Variants in PKNOX2 observed in about 807,000 individuals in gnomAD.
PKNOX2 encodes the protein PBX/knotted 1 homeobox 2, also known as homeobox protein PKNOX2.
A neutral mutation model predicts 53.1 loss-of-function variants in PKNOX2; 14 were observed. The observed-to-expected ratio is 0.26, with a 90% CI of 0.17 to 0.41. PKNOX2 has a LOEUF of 0.41. Ranked by LOEUF, PKNOX2 falls within the 10% of genes least tolerant of loss-of-function variation. The pLI is 1.00. For missense variants in PKNOX2, 496 were observed against 602.8 expected, an observed-to-expected ratio of 0.82 and a Z score of 1.85; for synonymous variants, 257 against 242.8, an observed-to-expected ratio of 1.06 and a Z score of -0.54.
intron 1 of PKNOX2, among the ~76,000 whole-genome samples, chr11:125,185,007 A>T (rs1225212972): frequency 6.6e-6 from 1 of 152,228 alleles, no homozygotes; most frequent in Middle Eastern, 3.2e-3. Flanking sequence ...CTCACTGTTT[A>T]CCATTTTGTG....
intron 2 of PKNOX2, among the ~76,000 whole-genome samples, chr11:125,314,364 G>A (rs1052475002): frequency 1.3e-5 from 2 of 152,148 alleles, no homozygotes. Flanking sequence ...CAGATGGGTT[G>A]GGAGCCAGGG....
At chr11:125,242,297 T>G (rs1943216885) in intron 2 of PKNOX2, among the ~76,000 whole-genome samples, 1 of 152,130 alleles carries the variant, frequency 6.6e-6, no homozygotes, top group African/African-American at 2.4e-5. Context: ...CAGGAGCATC[T>G]CCCTGTAGGG....
At position 125,431,470 on chromosome 11, in the gene PKNOX2, G is replaced by GCCCCCC; in HGVS notation, c.*78_*79insCCCCCC. 3.5e-6 allele frequency: 1 copy of GCCCCCC among 282,772 alleles called. No individual in the cohort carries two copies. Among genetic ancestry groups the GCCCCCC allele is most frequent in the Non-Finnish European group, 7.1e-6 (1 of 140,432 alleles). The allele number at this position is 282,772 out of a possible 1,614,324, so 17.5% of individuals were successfully genotyped here. On this transcript the variant is annotated 3_prime_UTR_variant, in exon 13 of 13. Coordinates refer to ENST00000298282, the MANE Select transcript of PKNOX2 (RefSeq NM_001382323.2). The stretch of plus-strand genomic sequence containing the variant: ...AGGCCTTCAGGGTGGGGGGGAAGGG[G>GCCCCCC]ACATGGGCAGGAAGCACCGAGGGAG...
At position 125,429,027 on chromosome 11, in the gene PKNOX2, G is replaced by C; in HGVS notation, c.952G>C (p.Glu318Gln). 6.2e-7 allele frequency: 1 copy of C among 1,613,728 alleles called. No individual in the cohort carries two copies. Among genetic ancestry groups the C allele is most frequent in the Non-Finnish European group, 8.5e-7 (1 of 1,179,638 alleles). Reference sequence around the variant, plus strand: ...CTCGTTTCAGCACCCCTACCCCACGGAGGATGAGAAGAGGCAGATCGCAGC... The same window carrying C: ...CTCGTTTCAGCACCCCTACCCCACGCAGGATGAGAAGAGGCAGATCGCAGC... ...FQHLMHPYPTEDEKRQIAAQT... is the reference protein window; with the variant it reads ...FQHLMHPYPTQDEKRQIAAQT... Residue 318 changes from glutamate to glutamine, a missense_variant, in exon 11 of 13, where the codon GAG becomes CAG. This residue lies in a region of PKNOX2 where 36 missense variants were observed against 81.9 expected (regional missense o/e 0.44). Coordinates refer to ENST00000298282, the MANE Select transcript of PKNOX2 (RefSeq NM_001382323.2).
chr11:125,214,958 G>T (rs1380149343), intron 1 of PKNOX2, among the ~76,000 whole-genome samples: 1 of 152,100 alleles, frequency 6.6e-6, no homozygotes, highest in Admixed American at 6.5e-5. Flanking sequence ...GGCCTGCGGG[G>T]TCAGGGGCTG....
Position 125,272,191 on chromosome 11 carries a change from T to C in PKNOX2, c.-130+37076T>C, listed in dbSNP as rs113013646. ...TTGGTGATGACAGTCCTCCTGGCTG[T>C]GAAGGGTCGTGGGGGTGTGAGGAAA... On this transcript the variant is annotated intron_variant, in intron 2 of 12. Coordinates refer to ENST00000298282, the MANE Select transcript of PKNOX2 (RefSeq NM_001382323.2). 4.2e-4 allele frequency among the ~76,000 whole-genome samples: 64 copies of C among 152,364 alleles called. 1 individual carries two copies. Among genetic ancestry groups the C allele is most frequent in the African/African-American group, 1.4e-3 (57 of 41,588 alleles).
intron 1 of PKNOX2, among the ~76,000 whole-genome samples, chr11:125,212,628 G>T: frequency 6.6e-6 from 1 of 151,722 alleles, no homozygotes; most frequent in East Asian, 1.9e-4. Flanking sequence ...TGAACAGAGA[G>T]GGAAGAGAGG....
At chr11:125,342,072 C>T (rs938477779) in intron 3 of PKNOX2, among the ~76,000 whole-genome samples, 1 of 152,188 alleles carries the variant, frequency 6.6e-6, no homozygotes, top group South Asian at 2.1e-4. Context: ...GAAGGGCACA[C>T]GTTGGCTGGG....
chr11:125,267,101 C>T (rs1238877752), intron 2 of PKNOX2, among the ~76,000 whole-genome samples: 4 of 152,202 alleles, frequency 2.6e-5, no homozygotes, highest in Admixed American at 6.5e-5. Flanking sequence ...GGACCCTGAT[C>T]GGTATCTCCA....
rs117382876 is a variant in PKNOX2, at chr11:125,319,905, G to A, written c.-129-11914G>A. On this transcript the variant is annotated intron_variant, in intron 2 of 12. Coordinates refer to ENST00000298282, the MANE Select transcript of PKNOX2 (RefSeq NM_001382323.2). ...GCCAAACAGCAAGCTAGATGAGGCTGGAAAGGTGGGAAGGGCCAGACTGAC... is the reference window on the plus strand; with the variant it reads ...GCCAAACAGCAAGCTAGATGAGGCTAGAAAGGTGGGAAGGGCCAGACTGAC... Among the ~76,000 whole-genome samples the A allele has an allele frequency of 3.4e-4, 52 of 152,306 alleles. No individual in the cohort carries two copies. The East Asian group carries it at 9.3e-3, about 27-fold the overall frequency.
chr11:125,423,585 A>C (rs971968489), intron 10 of PKNOX2, among the ~76,000 whole-genome samples: 1 of 152,184 alleles, frequency 6.6e-6, no homozygotes, highest in African/African-American at 2.4e-5. Context: ...ACTACATGCC[A>C]CACATTTTTC....
At chr11:125,286,066 C>A (rs1946876316) in intron 2 of PKNOX2, among the ~76,000 whole-genome samples, 2 of 152,068 alleles carry the variant, frequency 1.3e-5, no homozygotes, top group South Asian at 4.2e-4. Context: ...AGAGACGGGG[C>A]AGTGTGAGGC....
intron 10 of PKNOX2, among the ~76,000 whole-genome samples, chr11:125,412,625 A>T: frequency 6.6e-6 from 1 of 151,972 alleles, no homozygotes; most frequent in Non-Finnish European, 1.5e-5. Context: ...GACTGTGCTG[A>T]GTGTGTATGC....
chr11:125,409,975 T>C lies in PKNOX2; in HGVS notation c.589-221T>C, dbSNP rs1360868937. The C allele has an allele frequency of 5.6e-6, 3 of 538,646 alleles. No homozygotes were observed. In the African/African-American group the frequency reaches 5.7e-5, roughly 10 times the overall value. 33.4% of individuals were successfully genotyped at this position (538,646 alleles called of 1,614,324 possible). A position where few individuals can be genotyped will look rare whatever the true frequency, so the allele number is the denominator to read the frequency against. ...TTAGGTTTTCAGGGCAATGGAATGGTTAAATGGGTGACTCTTTTTGTTTTT... is the reference window on the plus strand; with the variant it reads ...TTAGGTTTTCAGGGCAATGGAATGGCTAAATGGGTGACTCTTTTTGTTTTT... On this transcript the variant is annotated intron_variant, in intron 7 of 12. Coordinates refer to ENST00000298282, the MANE Select transcript of PKNOX2 (RefSeq NM_001382323.2).
intron 2 of PKNOX2, among the ~76,000 whole-genome samples, 198 bp downstream of exon 2, chr11:125,235,313 G>A (rs982899758): frequency 1.3e-5 from 2 of 152,194 alleles, no homozygotes; most frequent in African/African-American, 4.8e-5. Flanking sequence ...ATATGACATC[G>A]TATTTAATTA....
chr11:125,348,994 A>G (rs911445734), intron 3 of PKNOX2, among the ~76,000 whole-genome samples: 4 of 152,068 alleles, frequency 2.6e-5, no homozygotes, highest in Admixed American at 6.6e-5. Flanking sequence ...TTCCTGGCGG[A>G]CGAGCATCTG....
At chr11:125,259,542 A>G (rs1944673878) in intron 2 of PKNOX2, among the ~76,000 whole-genome samples, 1 of 152,150 alleles carries the variant, frequency 6.6e-6, no homozygotes, top group South Asian at 2.1e-4. Flanking sequence ...CAGCAGTCCC[A>G]GGCTTCCACA....
chr11:125,401,007 A>T (rs1443044624), intron 7 of PKNOX2, among the ~76,000 whole-genome samples: 3 of 152,048 alleles, frequency 2.0e-5, no homozygotes, highest in Non-Finnish European at 4.4e-5. Flanking sequence ...TGGCTACCAC[A>T]AGGTCTTGTG....
At chr11:125,354,425 C>T (rs1428489625) in intron 4 of PKNOX2, among the ~76,000 whole-genome samples, 1 of 152,214 alleles carries the variant, frequency 6.6e-6, no homozygotes, top group Non-Finnish European at 1.5e-5. Flanking sequence ...GCACACCTCT[C>T]CATCACCTCT....
Sources: gnomAD v4.1 joint callset for allele counts (sites outside exome capture counted in the v4.1 genomes callset) on GRCh38, gnomAD v4.1.1 for gene constraint, gnomAD v4.1.1 regional missense constraint, MANE v1.5 for transcripts, NCBI Gene and HGNC (gene_info 2026-07-23, HGNC 2026-07-21) for gene names.